ANAPC7: variants seen among roughly 807,000 people sequenced by gnomAD.
ANAPC7 encodes anaphase-promoting complex subunit 7.
Under a neutral mutation model 63.3 loss-of-function variants are expected in ANAPC7, and 25 were observed. The observed-to-expected ratio is 0.39, with a 90% CI of 0.29 to 0.55. The LOEUF is 0.55. ANAPC7 is among the 20% of genes least tolerant of loss of function. The pLI, the probability that ANAPC7 is intolerant of heterozygous loss-of-function variation, is 0.57. For missense variants in ANAPC7, 516 were observed against 691.7 expected, an observed-to-expected ratio of 0.75 and a Z score of 2.85; for synonymous variants, 241 against 251.7, an observed-to-expected ratio of 0.96 and a Z score of 0.40.
rs753753946 is a variant in ANAPC7, at chr12:110,381,746, T to C, written c.1132+6A>G. 1 of 1,612,332 alleles carries C rather than the reference T, an allele frequency of 6.2e-7. No homozygotes were observed. Among genetic ancestry groups the C allele is most frequent in the Non-Finnish European group, 8.5e-7 (1 of 1,179,912 alleles). On this transcript the variant is annotated splice_donor_region_variant and intron_variant, in intron 8 of 10. Coordinates refer to ENST00000455511, the MANE Select transcript of ANAPC7 (RefSeq NM_016238.3). Reference sequence around the variant, plus strand: ...TCACACCATTCACCTATGTTTTCTTTCTTACCTTCATAACAATCTAAGCGA... The same window carrying C: ...TCACACCATTCACCTATGTTTTCTTCCTTACCTTCATAACAATCTAAGCGA...
chr12:110,397,494 A>G (rs1184265030), intron 1 of ANAPC7, among the ~76,000 whole-genome samples: 2 of 150,772 alleles, frequency 1.3e-5, no homozygotes, highest in Non-Finnish European at 3.0e-5. Flanking sequence ...TGGAGGTTAT[A>G]GTAAGCCGAG....
At chr12:110,380,523 C>T (rs1477747927) in intron 8 of ANAPC7, among the ~76,000 whole-genome samples, 5 of 149,728 alleles carry the variant, frequency 3.3e-5, no homozygotes, top group Admixed American at 1.3e-4. Flanking sequence ...TGGTGGTGGG[C>T]GCCTATAATC....
At chr12:110,383,130 A>G (rs754976723) in intron 6 of ANAPC7, 170 bp from the exon 7 acceptor site, 7 of 576,614 alleles carry the variant, frequency 1.2e-5, no homozygotes, top group Admixed American at 1.1e-4. Context: ...AGTTTCCTAC[A>G]AAGTGACTAT....
At chr12:110,396,516 C>CA in intron 1 of ANAPC7, 64 bp from the exon 2 acceptor site, 5 of 1,037,052 alleles carry the variant, frequency 4.8e-6, no homozygotes, top group Non-Finnish European at 6.6e-6. Flanking sequence ...CCCCCAGCTT[C>CA]TTTTTTTTTT....
At chr12:110,400,858 C>T (rs997402246) in intron 1 of ANAPC7, among the ~76,000 whole-genome samples, 1 of 150,522 alleles carries the variant, frequency 6.6e-6, no homozygotes, top group Admixed American at 6.7e-5. Context: ...ACAAGCCTGG[C>T]CAACATGATG....
chr12:110,400,494 C>G (rs1275408467), intron 1 of ANAPC7, among the ~76,000 whole-genome samples: 1 of 152,192 alleles, frequency 6.6e-6, no homozygotes, highest in East Asian at 1.9e-4. Flanking sequence ...AACTGCCAAT[C>G]TAACCCAATA....
At chr12:110,375,905 G>C (rs1018125753) in intron 10 of ANAPC7, 161 bp downstream of exon 10, 16 of 1,305,860 alleles carry the variant, frequency 1.2e-5, no homozygotes, top group African/African-American at 3.0e-5. Flanking sequence ...AAAATTTTTA[G>C]AAGTCATGAA....
intron 6 of ANAPC7, chr12:110,383,178 C>A: frequency 2.2e-6 from 1 of 448,030 alleles, no homozygotes. Context: ...GTGGCTCACA[C>A]CTGTAATTCC....
Position 110,388,598 on chromosome 12 carries a change from T to C in ANAPC7, c.434A>G (p.Tyr145Cys), listed in dbSNP as rs758064759. ...PKINMMLANL[Y>C]KKAGQERPSV... Reference sequence around the variant, plus strand: ...AGGGCGCTCCTGACCAGCCTTCTTGTACAGGTTTGCCAGCATCATGTTTAT... The same window carrying C: ...AGGGCGCTCCTGACCAGCCTTCTTGCACAGGTTTGCCAGCATCATGTTTAT... The change falls in exon 4 of 11, where the codon TAC (tyrosine) becomes TGC (cysteine). Residue 145 changes from tyrosine (Y) to cysteine (C), a missense_variant. Around this residue, in one of 4 missense-constraint regions of ANAPC7, gnomAD observed 185 missense variants for 200.3 expected, o/e 0.92. Coordinates refer to ENST00000455511, the MANE Select transcript of ANAPC7 (RefSeq NM_016238.3). The C allele has an allele frequency of 1.2e-6, 2 of 1,614,178 alleles. No homozygotes were observed. The highest frequency in any genetic ancestry group is 2.2e-5 in the East Asian group (1 of 44,892).
At chr12:110,394,267 G>A (rs535074484) in intron 3 of ANAPC7, among the ~76,000 whole-genome samples, 1 of 152,206 alleles carries the variant, frequency 6.6e-6, no homozygotes, top group Admixed American at 6.5e-5. Flanking sequence ...AAAGTGGGAG[G>A]ACAGTTTGAG....
chr12:110,374,453 C>T, intron 10 of ANAPC7, 120 bp from the exon 11 acceptor site: 1 of 938,098 alleles, frequency 1.1e-6, no homozygotes, highest in Non-Finnish European at 1.6e-6. Context: ...GTGCTAAAGC[C>T]TGGCCTCTCC....
intron 10 of ANAPC7, chr12:110,375,403 CTCTATTAA>C: frequency 1.0e-6 from 1 of 984,738 alleles, no homozygotes; most frequent in Non-Finnish European, 1.2e-6. Context: ...TGTGATCAGA[CTCTATTAA>C]AGACAGCCCT....
At chr12:110,380,683 G>T (rs1204989413) in intron 8 of ANAPC7, among the ~76,000 whole-genome samples, 3 of 145,858 alleles carry the variant, frequency 2.1e-5, no homozygotes, top group African/African-American at 7.6e-5. Context: ...ACCCGGGCAC[G>T]GTGGCTCACG....
At chr12:110,390,320 C>T (rs1042694295) in intron 3 of ANAPC7, among the ~76,000 whole-genome samples, 3 of 152,112 alleles carry the variant, frequency 2.0e-5, no homozygotes, top group African/African-American at 4.8e-5. Context: ...GTGATCCAAC[C>T]ACCTCGGCCT....
chr12:110,377,893 G>C (rs1377599724), intron 8 of ANAPC7: 1 of 1,166,316 alleles, frequency 8.6e-7, no homozygotes. Context: ...TGCAGCATGT[G>C]AGCACCCCAT....
chr12:110,388,391 A>T (rs1485044291), intron 4 of ANAPC7, 121 bp downstream of exon 4: 5 of 707,142 alleles, frequency 7.1e-6, no homozygotes, highest in Non-Finnish European at 1.2e-5. Context: ...GAATCCTACT[A>T]AATCACTCTC....
intron 8 of ANAPC7, among the ~76,000 whole-genome samples, chr12:110,380,553 A>G (rs1881723661): frequency 6.6e-6 from 1 of 150,544 alleles, no homozygotes; most frequent in African/African-American, 2.5e-5. Flanking sequence ...TGGGAGGCTG[A>G]GGCAGGAGAA....
At chr12:110,382,458 AAAAATAT>A (rs1473601094) in intron 7 of ANAPC7, among the ~76,000 whole-genome samples, 22 of 80,456 alleles carry the variant, frequency 2.7e-4, no homozygotes, top group East Asian at 1.6e-3. Context: ...AAAAAAAAAA[AAAAATAT>A]ATATATATAT....
At chr12:110,388,439 T>C (rs541512996) in intron 4 of ANAPC7, 73 bp downstream of exon 4, 15 of 1,166,704 alleles carry the variant, frequency 1.3e-5, no homozygotes, top group Non-Finnish European at 1.9e-5. Flanking sequence ...GTTATTCTAA[T>C]GTACAGGCAA....
Sources: gnomAD v4.1 joint callset for allele counts (sites outside exome capture counted in the v4.1 genomes callset) on GRCh38, gnomAD v4.1.1 for gene constraint, gnomAD v4.1.1 regional missense constraint, MANE v1.5 for transcripts, NCBI Gene and HGNC (gene_info 2026-07-23, HGNC 2026-07-21) for gene names.